Variants in DIP2A observed in about 807,000 individuals in gnomAD.
DIP2A encodes the protein disco-interacting protein 2 homolog A.
A neutral mutation model predicts 177.4 loss-of-function variants in DIP2A; 85 were observed. The observed-to-expected ratio is 0.48, with a 90% CI of 0.40 to 0.57. The LOEUF is 0.57. Ranked by LOEUF, DIP2A falls within the 20% of genes least tolerant of loss-of-function variation. The pLI, the probability that DIP2A is intolerant of heterozygous loss-of-function variation, is 0.00. For missense variants in DIP2A, 1,791 were observed against 2,100.2 expected (o/e 0.85, Z 2.88); for synonymous variants, 886 against 881.8 (o/e 1.00, Z -0.08).
intron 8 of DIP2A, among the ~76,000 whole-genome samples, chr21:46,513,246 T>C (rs1360363791): frequency 1.3e-5 from 2 of 152,192 alleles, no homozygotes; most frequent in African/African-American, 2.4e-5. Context: ...TGATGATCCA[T>C]TTAGAATTTA....
At chr21:46,459,597 C>T (rs2054113019) in intron 1 of DIP2A, among the ~76,000 whole-genome samples, 1 of 150,062 alleles carries the variant, frequency 6.7e-6, no homozygotes, top group East Asian at 2.0e-4. Context: ...GGGACCCCGC[C>T]CTTCACCCTG....
At chr21:46,546,002 G>A in intron 20 of DIP2A, 41 bp downstream of exon 20, 1 of 1,613,672 alleles carries the variant, frequency 6.2e-7, no homozygotes, top group Non-Finnish European at 8.5e-7. Flanking sequence ...AGTCAGAGAA[G>A]GTAGGGGGTG....
In DIP2A at chr21:46,557,771, G is replaced by T. The variant is rs145768338; in HGVS notation, c.3798+18G>T. 548 of 1,596,046 alleles carry T rather than the reference G, an allele frequency of 3.4e-4. No homozygotes were observed. Among genetic ancestry groups the T allele is most frequent in the Non-Finnish European group, 4.4e-4 (516 of 1,165,328 alleles). On this transcript the variant is annotated intron_variant, in intron 31 of 37. Transcript: ENST00000417564. This position sits in a 1 kb window ranked among gnomAD's most constrained non-coding sequence, Gnocchi z 6.0. ...TCCTCAGGGTGAGTGCCCAGACCCG[G>T]GCTTCTGAGTGTGCTGCAGACCACA...
intron 7 of DIP2A, among the ~76,000 whole-genome samples, chr21:46,511,051 A>G (rs1159243499): frequency 7.9e-5 from 12 of 152,152 alleles, no homozygotes; most frequent in South Asian, 2.1e-4. Context: ...ACCAGGTCCT[A>G]TCTCCAGGCT....
At chr21:46,541,290 G>A (rs571202727) in intron 17 of DIP2A, among the ~76,000 whole-genome samples, 5 of 152,300 alleles carry the variant, frequency 3.3e-5, no homozygotes, top group Non-Finnish European at 5.9e-5. Flanking sequence ...GTTCTGGCTT[G>A]CAGGAGATGG....
intron 17 of DIP2A, 104 bp from the exon 18 acceptor site, chr21:46,541,652 G>A: frequency 7.5e-7 from 1 of 1,334,478 alleles, no homozygotes; most frequent in Non-Finnish European, 1.1e-6. Context: ...CTGTAACATG[G>A]AGCAGTGGCT....
chr21:46,522,388 C>T (rs1012993133), intron 8 of DIP2A, among the ~76,000 whole-genome samples: 10 of 152,200 alleles, frequency 6.6e-5, no homozygotes, highest in African/African-American at 2.4e-4. Flanking sequence ...CTTTGCTAAA[C>T]AGGGCTAGGG....
In DIP2A at chr21:46,538,749, C is replaced by T. The variant is rs2059678380; in HGVS notation, c.1921+147C>T. The T allele has an allele frequency of 6.7e-6, 8 of 1,197,840 alleles. No homozygotes were observed. In the South Asian group the frequency reaches 1.1e-4, roughly 17 times the overall value. 74.2% of individuals were successfully genotyped at this position (1,197,840 alleles called of 1,614,324 possible). ...GTCCCATCGTTTCTATGACACGGAA[C>T]ATCTTGGTGATTCACTGGTTTATCC... On this transcript the variant is annotated intron_variant, in intron 16 of 37. Transcript: ENST00000417564.
At chr21:46,503,185 T>C (rs1258522058) in intron 5 of DIP2A, among the ~76,000 whole-genome samples, 2 of 151,890 alleles carry the variant, frequency 1.3e-5, no homozygotes. Flanking sequence ...TGGCTGGGTG[T>C]GGTGGCACAT....
chr21:46,489,157 T>C (rs1335419456), intron 2 of DIP2A, among the ~76,000 whole-genome samples: 1 of 152,252 alleles, frequency 6.6e-6, no homozygotes, highest in African/African-American at 2.4e-5. Context: ...ATGTGTATGC[T>C]CACATTTTGA....
At chr21:46,547,815 A>G (rs370178074) in intron 21 of DIP2A, among the ~76,000 whole-genome samples, 13 of 151,758 alleles carry the variant, frequency 8.6e-5, no homozygotes, top group South Asian at 4.2e-4. Context: ...GACCACAGAC[A>G]TGCACCCCAC....
At chr21:46,554,044 CATT>C in intron 25 of DIP2A, 122 bp from the exon 26 acceptor site, 1 of 1,285,738 alleles carries the variant, frequency 7.8e-7, no homozygotes, top group Non-Finnish European at 1.1e-6. Context: ...GACACATTGT[CATT>C]ATCATGGACG....
At chr21:46,482,629 T>G (rs2056425683) in intron 1 of DIP2A, among the ~76,000 whole-genome samples, 1 of 148,074 alleles carries the variant, frequency 6.8e-6, no homozygotes, top group African/African-American at 2.5e-5. Flanking sequence ...GGCTTTGTCA[T>G]TATAGGAAGT....
intron 1 of DIP2A, among the ~76,000 whole-genome samples, chr21:46,483,218 G>A (rs2839285): frequency 0.48 from 72,533 of 151,514 alleles, 18,207 homozygotes; most frequent in African/African-American, 0.63. Flanking sequence ...TCAATTAAAA[G>A]TACACAGACA....
intron 1 of DIP2A, among the ~76,000 whole-genome samples, chr21:46,474,619 G>A (rs939276483): frequency 6.6e-6 from 1 of 152,120 alleles, no homozygotes; most frequent in African/African-American, 2.4e-5. Flanking sequence ...CATTGAAATG[G>A]TTGAAGAGGT....
intron 3 of DIP2A, among the ~76,000 whole-genome samples, chr21:46,495,244 T>TTCTCTTCTTTCTCTC (rs2057275285): frequency 2.9e-4 from 11 of 38,190 alleles, no homozygotes; most frequent in African/African-American, 4.7e-4. Context: ...CTTCTCTTCT[T>TTCTCTTCTTTCTCTC]TCTCTCTCTC....
chr21:46,578,826 A>G, the DIP2A span, among the ~76,000 whole-genome samples: 1 of 152,322 alleles, frequency 6.6e-6, no homozygotes, highest in South Asian at 2.1e-4. Context: ...ATGGTAGGAT[A>G]AGCTTTTTGA....
In DIP2A at chr21:46,567,388, C is replaced by T; in HGVS notation, c.4482C>T (p.Thr1494=). The T allele has an allele frequency of 1.2e-6, 2 of 1,613,460 alleles. No homozygotes were observed. Among genetic ancestry groups the T allele is most frequent in the Non-Finnish European group, 1.7e-6 (2 of 1,179,614 alleles). Residue 1494 remains threonine, a synonymous_variant, in exon 38 of 38, where the codon ACC becomes ACT. Coordinates refer to ENST00000417564, the MANE Select transcript of DIP2A (RefSeq NM_015151.4). The part of the protein sequence containing the change: ...SIAECAVFTW[T]NLLVVVVELD... ...TCTGCAGTGCCGTATTCACCTGGAC[C>T]AACCTGCTGGTGGTGGTGGTGGAGC...
Position 46,566,609 on chromosome 21 carries a change from G to A in DIP2A, c.4389G>A (p.Glu1463=). ...YVVGSLDETL[E]LRGMRYHPID... ...TTGGGTCTCTGGATGAAACTCTGGA[G>A]CTCAGAGGCATGCGGTACCACCCCA... The change falls in exon 37 of 38, where the codon GAG becomes GAA. Residue 1463 remains glutamate (E), a synonymous_variant. Transcript: ENST00000417564. 1 of 1,614,200 alleles carries A rather than the reference G, an allele frequency of 6.2e-7. No homozygotes were observed. Among genetic ancestry groups the A allele is most frequent in the Non-Finnish European group, 8.5e-7 (1 of 1,180,028 alleles).
Sources: gnomAD v4.1 joint callset for allele counts (sites outside exome capture counted in the v4.1 genomes callset) on GRCh38, gnomAD v4.1.1 for gene constraint, Gnocchi (gnomAD v3.1) non-coding constraint, MANE v1.5 for transcripts, NCBI Gene and HGNC (gene_info 2026-07-23, HGNC 2026-07-21) for gene names.